SOS1: variants seen among roughly 807,000 people sequenced by gnomAD.
SOS1 encodes son of sevenless homolog 1.
A neutral mutation model predicts 157.6 loss-of-function variants in SOS1; 25 were observed. The ratio of observed to expected loss-of-function variants is 0.16; its 90% CI spans 0.12 to 0.22. The LOEUF (loss-of-function observed/expected upper bound fraction) is 0.22. SOS1 is among the 10% of genes least tolerant of loss of function. SOS1 has a pLI of 1.00. For missense variants in SOS1, 1,237 were observed against 1,599.1 expected, an observed-to-expected ratio of 0.77 and a Z score of 3.86; for synonymous variants, 528 against 534.0, an observed-to-expected ratio of 0.99 and a Z score of 0.16.
intron 2 of SOS1, among the ~76,000 whole-genome samples, chr2:39,059,203 G>GTAA: frequency 6.6e-6 from 1 of 152,106 alleles, no homozygotes; most frequent in East Asian, 1.9e-4. Flanking sequence ...ATTACATGCA[G>GTAA]CATTTTTCAA....
At chr2:39,087,496 C>A (rs1188386746) in intron 1 of SOS1, among the ~76,000 whole-genome samples, 1 of 152,186 alleles carries the variant, frequency 6.6e-6, no homozygotes, top group East Asian at 1.9e-4. Flanking sequence ...CTGCTCTTTT[C>A]TTGGAGACTG....
At chr2:39,048,303 C>G (rs1558488044) in intron 6 of SOS1, among the ~76,000 whole-genome samples, 1 of 152,172 alleles carries the variant, frequency 6.6e-6, no homozygotes, top group Non-Finnish European at 1.5e-5. Context: ...AAATATATTA[C>G]TCAACTGACT....
intron 1 of SOS1, among the ~76,000 whole-genome samples, chr2:39,115,406 CTTTTTT>C (rs550526461): frequency 3.3e-4 from 21 of 64,044 alleles, no homozygotes; most frequent in African/African-American, 9.5e-4. Flanking sequence ...TGTTCTCTCT[CTTTTTT>C]TTTTTTTTTT....
chr2:39,077,416 C>A (rs1157377018), intron 1 of SOS1, among the ~76,000 whole-genome samples: 2 of 151,772 alleles, frequency 1.3e-5, no homozygotes, highest in African/African-American at 2.4e-5. Context: ...TAAGGAAGTA[C>A]CATAATATCT....
intron 8 of SOS1, among the ~76,000 whole-genome samples, chr2:39,029,993 C>T (rs557715162): frequency 6.6e-6 from 1 of 151,792 alleles, no homozygotes; most frequent in South Asian, 2.1e-4. Context: ...AGAGCGACGT[C>T]TCATCTCTAC....
rs537744127 is a variant in SOS1, at chr2:38,990,840, C to T, written c.3347-1526G>A. On this transcript the variant is annotated intron_variant, in intron 20 of 22. Coordinates refer to ENST00000402219, the MANE Select transcript of SOS1 (RefSeq NM_005633.4). ...TAGTTGTCTTATTGCCTGGAAAATA[C>T]TATAGAAATTCTTTTAGAATTTTAC... 2.0e-5 allele frequency among the ~76,000 whole-genome samples: 3 copies of T among 152,220 alleles called. No individual in the cohort carries two copies. The South Asian group carries it at 6.2e-4, about 32-fold the overall frequency.
Position 39,010,711 on chromosome 2 carries a change from C to T in SOS1, c.2391-8G>A, listed in dbSNP as rs1338095044. Reference sequence around the variant, plus strand: ...TCTGATGGCTGTACAGCTCTAAAATCATCAATACATAATTCTACATGACAC... The same window carrying T: ...TCTGATGGCTGTACAGCTCTAAAATTATCAATACATAATTCTACATGACAC... On this transcript the variant is annotated splice_region_variant and splice_polypyrimidine_tract_variant and intron_variant, in intron 14 of 22. Coordinates refer to ENST00000402219, the MANE Select transcript of SOS1 (RefSeq NM_005633.4). 1 of 1,600,892 alleles carries T rather than the reference C, an allele frequency of 6.2e-7. No homozygotes were observed. The highest frequency in any genetic ancestry group is 8.6e-7 in the Non-Finnish European group (1 of 1,168,422).
At chr2:39,048,665 G>C (rs7582586) in intron 6 of SOS1, among the ~76,000 whole-genome samples, 1 of 151,894 alleles carries the variant, frequency 6.6e-6, no homozygotes, top group Admixed American at 6.6e-5. Context: ...GTCTCCCAAA[G>C]TGCTGGGATT....
chr2:39,094,437 G>A (rs1464216144), intron 1 of SOS1, among the ~76,000 whole-genome samples: 1 of 152,104 alleles, frequency 6.6e-6, no homozygotes, highest in African/African-American at 2.4e-5. Context: ...CACGAGGTCA[G>A]GAGTTCAAGA....
intron 19 of SOS1, among the ~76,000 whole-genome samples, chr2:38,996,091 CTTT>C (rs373919767): frequency 6.8e-6 from 1 of 147,046 alleles, no homozygotes; most frequent in Non-Finnish European, 1.5e-5. Context: ...GGATTCTTGA[CTTT>C]TTTTTTTTGA....
intron 22 of SOS1, among the ~76,000 whole-genome samples, chr2:38,986,933 A>G (rs1668576866): frequency 6.6e-6 from 1 of 152,152 alleles, no homozygotes; most frequent in Admixed American, 6.6e-5. Context: ...TGGACAGCTT[A>G]AGAACTAATG....
At chr2:39,116,809 C>T (rs2148236047) in intron 1 of SOS1, among the ~76,000 whole-genome samples, 1 of 152,238 alleles carries the variant, frequency 6.6e-6, no homozygotes. Flanking sequence ...CAAGATCGCA[C>T]CACTGCACTC....
At chr2:39,050,949 C>G (rs561543230) in intron 6 of SOS1, among the ~76,000 whole-genome samples, 195 bp downstream of exon 6, 16 of 152,204 alleles carry the variant, frequency 1.1e-4, no homozygotes, top group Admixed American at 9.8e-4. Flanking sequence ...CTATAATTAA[C>G]AAGAGACCAC....
intron 2 of SOS1, among the ~76,000 whole-genome samples, chr2:39,059,057 T>C (rs1671312027): frequency 6.6e-6 from 1 of 152,086 alleles, no homozygotes; most frequent in Non-Finnish European, 1.5e-5. Context: ...AACTTCACTG[T>C]GATAAAGCTA....
At chr2:39,122,940 T>C (rs1308731349), upstream of SOS1, among the ~76,000 whole-genome samples, 1 of 152,168 alleles carries the variant, frequency 6.6e-6, no homozygotes, top group Admixed American at 6.5e-5. Context: ...CCCAAACTAT[T>C]GCTTGGCTTC....
chr2:39,084,639 A>T (rs1368010782), intron 1 of SOS1, among the ~76,000 whole-genome samples: 1 of 152,142 alleles, frequency 6.6e-6, no homozygotes, highest in Non-Finnish European at 1.5e-5. Context: ...TTAATTAAAA[A>T]TTTTCATTGG....
At chr2:39,023,937 G>T (rs1232052137) in intron 9 of SOS1, 73 bp downstream of exon 9, 10 of 1,035,664 alleles carry the variant, frequency 9.7e-6, no homozygotes, top group Non-Finnish European at 1.3e-5. Flanking sequence ...ACTTGAGGAG[G>T]GAACTGGGAT....
chr2:39,078,835 G>T (rs1266927174), intron 1 of SOS1, among the ~76,000 whole-genome samples: 1 of 152,124 alleles, frequency 6.6e-6, no homozygotes, highest in East Asian at 1.9e-4. Flanking sequence ...GCTAAGGCAG[G>T]CAGATCATGA....
At chr2:39,073,875 A>C (rs1405370471) in intron 1 of SOS1, among the ~76,000 whole-genome samples, 2 of 152,240 alleles carry the variant, frequency 1.3e-5, no homozygotes, top group Non-Finnish European at 2.9e-5. Flanking sequence ...TCTTGAGCTC[A>C]GATCTGTTAC....
Sources: allele counts gnomAD v4.1 joint callset (sites outside exome capture counted in the v4.1 genomes callset), GRCh38; gene constraint gnomAD v4.1.1; transcripts MANE v1.5; gene names NCBI Gene and HGNC (gene_info 2026-07-23, HGNC 2026-07-21).